NKAIN3: variants seen among roughly 807,000 people sequenced by gnomAD.
NKAIN3 encodes sodium/potassium-transporting ATPase subunit beta-1-interacting protein 3.
A neutral mutation model predicts 30.2 loss-of-function variants in NKAIN3; 25 were observed. That is an observed-to-expected ratio of 0.83 (90% CI 0.60 to 1.16). NKAIN3 has a LOEUF of 1.16. Among genes scored for constraint, NKAIN3 ranks in the 50% most tolerant of loss-of-function variants. The pLI is 0.00. For missense variants in NKAIN3, 225 were observed against 254.1 expected (o/e 0.89, Z 0.78); for synonymous variants, 91 against 89.6 (o/e 1.02, Z -0.09).
intron 1 of NKAIN3, among the ~76,000 whole-genome samples, chr8:62,467,294 T>C (rs144558575): frequency 6.6e-6 from 1 of 152,294 alleles, no homozygotes; most frequent in African/African-American, 2.4e-5. Flanking sequence ...CACAAAGAGA[T>C]TACATACTTC....
rs1270763848 is a variant in NKAIN3, at chr8:62,975,308, T to G, written c.*9901T>G. Among the ~76,000 whole-genome samples the G allele has an allele frequency of 6.6e-6, 1 of 152,166 alleles. No individual in the cohort carries two copies. The highest frequency in any genetic ancestry group is 1.5e-5 in the Non-Finnish European group (1 of 68,022). ...CTGGTCCTGGGCTTTTTTTTTTAGT[T>G]GGTCAGCTATTAATTACTGCCTCAA... is the stretch of plus-strand genomic sequence containing the variant. On this transcript the variant is annotated 3_prime_UTR_variant, in exon 7 of 7. Coordinates refer to ENST00000623646, the MANE Select transcript of NKAIN3 (RefSeq NM_001304533.3).
chr8:62,565,347 C>T (rs1007232766), intron 1 of NKAIN3, among the ~76,000 whole-genome samples: 3 of 143,712 alleles, frequency 2.1e-5, no homozygotes, highest in African/African-American at 7.5e-5. Flanking sequence ...CATATGTATA[C>T]ATGGGCATAC....
chr8:62,465,526 T>A (rs527935163), intron 1 of NKAIN3, among the ~76,000 whole-genome samples: 2 of 152,316 alleles, frequency 1.3e-5, no homozygotes, highest in African/African-American at 4.8e-5. Flanking sequence ...AATATGTGTT[T>A]TGACCTCTAC....
At chr8:62,787,760 A>G (rs1489787576) in intron 4 of NKAIN3, among the ~76,000 whole-genome samples, 3 of 151,836 alleles carry the variant, frequency 2.0e-5, no homozygotes, top group Non-Finnish European at 4.4e-5. Flanking sequence ...ATTCCCACCT[A>G]TGAGTGAGAA....
intron 1 of NKAIN3, among the ~76,000 whole-genome samples, chr8:62,410,886 C>A (rs545921653): frequency 1.8e-4 from 28 of 151,938 alleles, no homozygotes; most frequent in South Asian, 1.0e-3. Context: ...ACAACAACAA[C>A]AAAAAAATCA....
At chr8:62,781,979 G>T (rs1267020536) in intron 4 of NKAIN3, among the ~76,000 whole-genome samples, 1 of 151,850 alleles carries the variant, frequency 6.6e-6, no homozygotes, top group Non-Finnish European at 1.5e-5. Flanking sequence ...AGCAAAATAA[G>T]CAATTAATTG....
In NKAIN3 at chr8:62,979,795, T is replaced by A. The variant is rs1455225584; in HGVS notation, c.*14388T>A. Reference sequence around the variant, plus strand: ...TAACAAGTCCTGACTAGACAAGGGCTTTGTTGTTGACTACAATTCAATGCC... The same window carrying A: ...TAACAAGTCCTGACTAGACAAGGGCATTGTTGTTGACTACAATTCAATGCC... On this transcript the variant is annotated 3_prime_UTR_variant, in exon 7 of 7. Coordinates refer to ENST00000623646, the MANE Select transcript of NKAIN3 (RefSeq NM_001304533.3). 6.6e-6 allele frequency: 1 copy of A among 152,236 alleles called. No individual in the cohort carries two copies. The highest frequency in any genetic ancestry group is 1.5e-5 in the Non-Finnish European group (1 of 68,060). The allele number at this position is 152,236 out of a possible 1,614,324, so 9.4% of individuals were successfully genotyped here.
chr8:62,792,795 G>A (rs1817745527), intron 4 of NKAIN3, among the ~76,000 whole-genome samples: 1 of 152,098 alleles, frequency 6.6e-6, no homozygotes, highest in South Asian at 2.1e-4. Flanking sequence ...TTCCAGTGAA[G>A]GGGGAACAGC....
chr8:62,784,689 A>T (rs1200778876), intron 4 of NKAIN3, among the ~76,000 whole-genome samples: 1 of 152,170 alleles, frequency 6.6e-6, no homozygotes, highest in Non-Finnish European at 1.5e-5. Flanking sequence ...ATTCTATCGA[A>T]TATTTTTATA....
At chr8:62,577,280 A>G (rs1303240736) in intron 1 of NKAIN3, among the ~76,000 whole-genome samples, 1 of 151,784 alleles carries the variant, frequency 6.6e-6, no homozygotes, top group Non-Finnish European at 1.5e-5. Context: ...TAAAATGCAT[A>G]TTTTCTCATA....
chr8:62,294,048 G>T (rs1358388678), intron 1 of NKAIN3, among the ~76,000 whole-genome samples: 1 of 152,200 alleles, frequency 6.6e-6, no homozygotes, highest in Non-Finnish European at 1.5e-5. Context: ...GGCACGGGAT[G>T]CAATCTCCTG....
At chr8:62,512,228 G>C (rs911327418) in intron 1 of NKAIN3, among the ~76,000 whole-genome samples, 3 of 152,066 alleles carry the variant, frequency 2.0e-5, no homozygotes, top group Admixed American at 1.3e-4. Context: ...AAGGCATTGT[G>C]GATATCAGGC....
intron 4 of NKAIN3, chr8:62,863,414 C>A: frequency 1.3e-6 from 2 of 1,550,148 alleles, no homozygotes; most frequent in South Asian, 1.1e-5. Flanking sequence ...GGCTTTATGT[C>A]AGTATGAGTA....
chr8:62,683,025 T>TTTTGTTTG lies in NKAIN3; in HGVS notation c.274-63891_274-63884dup, dbSNP rs535757107. On this transcript the variant is annotated intron_variant, in intron 3 of 6. Coordinates refer to ENST00000623646, the MANE Select transcript of NKAIN3 (RefSeq NM_001304533.3). ...TGTGTCAGGTTTTGTTTGTTTGTTT[T>TTTTGTTTG]TTTGTTTGTTTGTTTGTTTGTTTTT... 5.3e-3 allele frequency among the ~76,000 whole-genome samples: 810 copies of TTTTGTTTG among 152,138 alleles called. 3 individuals carry two copies. The highest frequency in any genetic ancestry group is 0.018 in the African/African-American group (752 of 41,516).
intron 5 of NKAIN3, among the ~76,000 whole-genome samples, chr8:62,939,854 A>G (rs2130881453): frequency 6.6e-6 from 1 of 152,190 alleles, no homozygotes; most frequent in South Asian, 2.1e-4. Context: ...ATGAAAAAAA[A>G]AGCAAGGTAT....
rs372913511 is a variant in NKAIN3, at chr8:62,408,700, CT to C, written c.54+159575del. On this transcript the variant is annotated intron_variant, in intron 1 of 6. Coordinates refer to ENST00000623646, the MANE Select transcript of NKAIN3 (RefSeq NM_001304533.3). ...GCTGTTAACTTTTGCTCTCACCCAC[CT>C]TGGTCTAAGTTAGTACACCACTGCC... 2.1e-3 allele frequency among the ~76,000 whole-genome samples: 322 copies of C among 152,242 alleles called. 1 individual carries two copies. Among genetic ancestry groups the C allele is most frequent in the African/African-American group, 7.4e-3 (306 of 41,548 alleles).
Position 62,788,353 on chromosome 8 carries a change from T to C in NKAIN3, c.471+41224T>C, listed in dbSNP as rs529730916. ...AATGTCTTCTTTTGAGAAGTGTCTG[T>C]TCATATCCTTCGCCCACTTTTTGAT... is the stretch of plus-strand genomic sequence containing the variant. On this transcript the variant is annotated intron_variant, in intron 4 of 6. Transcript: ENST00000623646. 5.3e-5 allele frequency among the ~76,000 whole-genome samples: 8 copies of C among 152,324 alleles called. No homozygotes were observed. In the South Asian group the frequency reaches 1.7e-3, roughly 32 times the overall value.
intron 1 of NKAIN3, among the ~76,000 whole-genome samples, chr8:62,576,615 G>A (rs775425269): frequency 2.6e-5 from 4 of 152,030 alleles, no homozygotes; most frequent in African/African-American, 7.2e-5. Flanking sequence ...ATAGGTTCTC[G>A]AAACATGCAT....
At chr8:62,420,647 T>C in intron 1 of NKAIN3, among the ~76,000 whole-genome samples, 1 of 152,190 alleles carries the variant, frequency 6.6e-6, no homozygotes, top group East Asian at 1.9e-4. Context: ...GTGAAACTAC[T>C]CAAATAGCCA....
Sources: gnomAD v4.1 joint callset for allele counts (sites outside exome capture counted in the v4.1 genomes callset) on GRCh38, gnomAD v4.1.1 for gene constraint, MANE v1.5 for transcripts, NCBI Gene and HGNC (gene_info 2026-07-23, HGNC 2026-07-21) for gene names.